The following CRYBG1 variants were observed in gnomAD, a reference collection of about 807,000 sequenced individuals.
CRYBG1 encodes beta/gamma crystallin domain-containing protein 1.
In CRYBG1, 139 loss-of-function variants were observed where a neutral mutation model predicts 189.2. That is an observed-to-expected ratio of 0.73 (90% confidence interval 0.64 to 0.85). The LOEUF (loss-of-function observed/expected upper bound fraction) is 0.85, where lower values mean the gene tolerates loss of function less well. CRYBG1 is among the 40% of genes least tolerant of loss of function. CRYBG1 has a pLI of 0.00. For missense variants in CRYBG1, 2,611 were observed against 2,675.8 expected (o/e 0.98, Z 0.53); for synonymous variants, 1,023 against 1,017.1 (o/e 1.01, Z -0.11).
intron 3 of CRYBG1, among the ~76,000 whole-genome samples, chr6:106,518,752 G>A (rs1224011368): frequency 6.6e-6 from 1 of 152,150 alleles, no homozygotes; most frequent in Non-Finnish European, 1.5e-5. Flanking sequence ...GAAGCCAGGA[G>A]TTTGAGACCA....
At chr6:106,528,885 A>T (rs2114553060) in intron 7 of CRYBG1, among the ~76,000 whole-genome samples, 1 of 151,544 alleles carries the variant, frequency 6.6e-6, no homozygotes, top group South Asian at 2.1e-4. Flanking sequence ...GGTTGTTTCT[A>T]GTTTTTTACT....
At chr6:106,436,332 TCTGTTGCCTAGG>T (rs1771456554) in intron 1 of CRYBG1, among the ~76,000 whole-genome samples, 1 of 147,150 alleles carries the variant, frequency 6.8e-6, no homozygotes, top group South Asian at 2.1e-4. Context: ...GGAGTCTCGC[TCTGTTGCCTAGG>T]CTGGAGTGCA....
At chr6:106,482,833 T>C (rs1342714083) in intron 2 of CRYBG1, among the ~76,000 whole-genome samples, 1 of 150,758 alleles carries the variant, frequency 6.6e-6, no homozygotes, top group African/African-American at 2.4e-5. Flanking sequence ...ACCACAAATA[T>C]TTTTGGGCCA....
At chr6:106,551,747 T>A in intron 13 of CRYBG1, 105 bp from the exon 14 acceptor site, 3 of 1,317,872 alleles carry the variant, frequency 2.3e-6, no homozygotes, top group Non-Finnish European at 3.2e-6. Flanking sequence ...AAATTTCAAT[T>A]GGCAAAACAA....
Position 106,525,387 on chromosome 6 carries a change from G to GT in CRYBG1, c.4412+2dup. The GT allele has an allele frequency of 6.2e-7, 1 of 1,609,720 alleles. No homozygotes were observed. Among genetic ancestry groups the GT allele is most frequent in the Non-Finnish European group, 8.5e-7 (1 of 1,176,062 alleles). On this transcript the variant is annotated splice_donor_variant, in intron 6 of 21. Coordinates refer to ENST00000633556, the MANE Select transcript of CRYBG1 (RefSeq NM_001371242.2). LOFTEE classifies it high-confidence loss of function. Reference sequence around the variant, plus strand: ...TACTCATAAAAGTTGTTAGAGGATGGTAAGAATGGCACTTTAAGTTCCTGA... The same window carrying GT: ...TACTCATAAAAGTTGTTAGAGGATGGTTAAGAATGGCACTTTAAGTTCCTGA...
intron 1 of CRYBG1, among the ~76,000 whole-genome samples, chr6:106,385,731 A>G (rs1423463495): frequency 6.6e-6 from 1 of 152,182 alleles, no homozygotes; most frequent in Non-Finnish European, 1.5e-5. Context: ...TCAATATCCT[A>G]TTCATCAGTT....
chr6:106,471,133 A>G (rs1490700894), intron 2 of CRYBG1, among the ~76,000 whole-genome samples: 2 of 152,212 alleles, frequency 1.3e-5, no homozygotes, highest in African/African-American at 4.8e-5. Flanking sequence ...GTGGAGCTCA[A>G]TGAGGAGGAT....
chr6:106,479,230 A>G (rs1274411834), intron 2 of CRYBG1, among the ~76,000 whole-genome samples: 1 of 152,198 alleles, frequency 6.6e-6, no homozygotes, highest in Non-Finnish European at 1.5e-5. Flanking sequence ...TACATTTAAG[A>G]ATGGAATTTC....
Position 106,543,472 on chromosome 6 carries a change from A to G in CRYBG1, c.4914A>G (p.Gly1638=). The G allele has an allele frequency of 6.2e-7, 1 of 1,613,756 alleles. No individual in the cohort carries two copies. The highest frequency in any genetic ancestry group is 2.2e-5 in the East Asian group (1 of 44,876). ...TTTATGAAAAGCCTTTCTTTGAAGG[A>G]AAATGTGTGGAACTAGAAACAGGAA... ...VVVYEKPFFE[G]KCVELETGMC... is the part of the protein sequence containing the mutation. Residue 1638 remains glycine, a synonymous_variant, in exon 11 of 22, where the codon GGA becomes GGG. Transcript: ENST00000633556.
intron 13 of CRYBG1, among the ~76,000 whole-genome samples, chr6:106,551,216 T>C (rs1433282982): frequency 2.0e-5 from 3 of 152,184 alleles, no homozygotes; most frequent in African/African-American, 7.2e-5. Flanking sequence ...CTCCCACTTA[T>C]GGGCAAGAAC....
At position 106,482,571 on chromosome 6, in the gene CRYBG1, C is replaced by T. The variant is rs148299806; in HGVS notation, c.313-28859C>T. 2.2e-3 allele frequency among the ~76,000 whole-genome samples: 340 copies of T among 152,106 alleles called. 3 individuals carry two copies. The East Asian group carries it at 0.027, about 12-fold the overall frequency. ...GGGGTGAATCACAAGGTCAGGAGAT[C>T]GAGACCATCCTGGCTAACACCGTGA... On this transcript the variant is annotated intron_variant, in intron 2 of 21. Transcript: ENST00000633556.
At chr6:106,470,298 C>T (rs1040406892) in intron 2 of CRYBG1, among the ~76,000 whole-genome samples, 2 of 152,160 alleles carry the variant, frequency 1.3e-5, no homozygotes, top group African/African-American at 4.8e-5. Flanking sequence ...GCACTCCAGC[C>T]TGGGCAACAA....
chr6:106,400,156 AAGAG>A (rs1554232159), intron 1 of CRYBG1, among the ~76,000 whole-genome samples: 3 of 143,914 alleles, frequency 2.1e-5, no homozygotes, highest in Non-Finnish European at 4.6e-5. Flanking sequence ...AAAAAAAAAA[AAGAG>A]AGAGAGAAAA....
At chr6:106,516,598 C>T (rs1773427581) in intron 3 of CRYBG1, among the ~76,000 whole-genome samples, 1 of 152,186 alleles carries the variant, frequency 6.6e-6, no homozygotes. Context: ...AGTGTCTCCA[C>T]TTGTGTGTTC....
intron 11 of CRYBG1, among the ~76,000 whole-genome samples, chr6:106,544,229 GCTAA>G (rs1774205819): frequency 1.3e-5 from 2 of 152,092 alleles, no homozygotes; most frequent in South Asian, 2.1e-4. Flanking sequence ...CTTGTAAATC[GCTAA>G]CTATTCATAA....
At chr6:106,465,192 T>A (rs1340614) in intron 2 of CRYBG1, among the ~76,000 whole-genome samples, 122,798 of 152,186 alleles carry the variant, frequency 0.81, 49,586 homozygotes, top group East Asian at 0.96. Flanking sequence ...CCACGTGACC[T>A]TTTGCCTCTC....
At position 106,388,753 on chromosome 6, in the gene CRYBG1, T is replaced by C. The variant is rs1250477217; in HGVS notation, c.173+27672T>C. On this transcript the variant is annotated intron_variant, in intron 1 of 21. Coordinates refer to ENST00000633556, the MANE Select transcript of CRYBG1 (RefSeq NM_001371242.2). The stretch of plus-strand genomic sequence containing the variant: ...AGTTGTTTCTTTTTATGTACTTTGC[T>C]GATGATTAGAATAAGATGCCACCAT... Among the ~76,000 whole-genome samples, 3 of 152,240 alleles carry C rather than the reference T, an allele frequency of 2.0e-5. 1 individual carries two copies. Among genetic ancestry groups the C allele is most frequent in the South Asian group, 4.1e-4 (2 of 4,836 alleles).
At chr6:106,529,782 G>A (rs1773835897) in intron 7 of CRYBG1, among the ~76,000 whole-genome samples, 1 of 152,218 alleles carries the variant, frequency 6.6e-6, no homozygotes, top group African/African-American at 2.4e-5. Context: ...CAGTGGCTGA[G>A]GAAGACTCCA....
rs1485200410 is a variant in CRYBG1, at chr6:106,558,405, C to T, written c.5716-81C>T. ...ATCTAGCAGATTTTTTGTGCTTTGT[C>T]CTTGTAACAAGATGATTTTCACATA... On this transcript the variant is annotated intron_variant, in intron 17 of 21. Coordinates refer to ENST00000633556, the MANE Select transcript of CRYBG1 (RefSeq NM_001371242.2). 1.0e-5 allele frequency: 13 copies of T among 1,258,374 alleles called. No homozygotes were observed. The African/African-American group carries it at 1.7e-4, about 16-fold the overall frequency. 78.0% of individuals were successfully genotyped at this position (1,258,374 alleles called of 1,614,324 possible).
Sources: gnomAD v4.1 joint callset for allele counts (sites outside exome capture counted in the v4.1 genomes callset) on GRCh38, gnomAD v4.1.1 for gene constraint, MANE v1.5 for transcripts, NCBI Gene and HGNC (gene_info 2026-07-23, HGNC 2026-07-21) for gene names.